The following EYS variants were observed in gnomAD, a reference collection of about 807,000 sequenced individuals.
The protein encoded by EYS is protein eyes shut homolog.
EYS carries 250 observed loss-of-function variants against 282.1 expected under a neutral mutation model. The ratio of observed to expected loss-of-function variants is 0.89; its 90% CI spans 0.80 to 0.98. The LOEUF (loss-of-function observed/expected upper bound fraction) is 0.98, where lower values mean the gene tolerates loss of function less well. Ranked by LOEUF, EYS falls within the 50% of genes least tolerant of loss-of-function variation. EYS has a pLI of 0.00. For missense variants in EYS, 4,016 were observed against 3,709.0 expected, an observed-to-expected ratio of 1.08 and a Z score of -2.15; for synonymous variants, 1,355 against 1,282.9, an observed-to-expected ratio of 1.06 and a Z score of -1.20.
intron 22 of EYS, among the ~76,000 whole-genome samples, chr6:64,690,070 T>C (rs1770316483): frequency 1.3e-5 from 2 of 151,850 alleles, no homozygotes; most frequent in South Asian, 4.2e-4. Context: ...ATTTTTGCAA[T>C]CTACTCATCT....
At chr6:63,964,637 TGAC>T in intron 35 of EYS, among the ~76,000 whole-genome samples, 1 of 152,338 alleles carries the variant, frequency 6.6e-6, no homozygotes. Flanking sequence ...AGCTGAAAAC[TGAC>T]TTTATAATTT....
intron 31 of EYS, among the ~76,000 whole-genome samples, chr6:64,200,634 G>A (rs1254235812): frequency 1.3e-5 from 2 of 151,456 alleles, no homozygotes; most frequent in Non-Finnish European, 3.0e-5. Context: ...AATTCCTGGA[G>A]GTATTTTGAT....
At chr6:65,066,937 AATT>A (rs1246536580) in intron 12 of EYS, among the ~76,000 whole-genome samples, 1 of 152,132 alleles carries the variant, frequency 6.6e-6, no homozygotes, top group East Asian at 1.9e-4. Flanking sequence ...TAGCATATAG[AATT>A]ATTATTCCTG....
intron 29 of EYS, among the ~76,000 whole-genome samples, chr6:64,334,735 G>A (rs1770779164): frequency 6.6e-6 from 1 of 152,100 alleles, no homozygotes; most frequent in Admixed American, 6.5e-5. Flanking sequence ...AAGAGTTTGT[G>A]GAAAGCTTAA....
At chr6:63,936,149 G>C (rs1330299772) in intron 35 of EYS, among the ~76,000 whole-genome samples, 1 of 152,156 alleles carries the variant, frequency 6.6e-6, no homozygotes, top group African/African-American at 2.4e-5. Context: ...TCTCCAGGAT[G>C]GGGGTCTCAC....
chr6:65,446,752 T>A (rs544750356), intron 5 of EYS, among the ~76,000 whole-genome samples: 2 of 152,010 alleles, frequency 1.3e-5, no homozygotes, highest in Non-Finnish European at 2.9e-5. Context: ...GCAGTGTTCA[T>A]GGGATCTAAA....
chr6:65,099,303 G>A (rs1043314685), intron 12 of EYS, among the ~76,000 whole-genome samples: 1 of 150,502 alleles, frequency 6.6e-6, no homozygotes, highest in Non-Finnish European at 1.5e-5. Flanking sequence ...GTGTTCTAGT[G>A]GCAATGGATA....
chr6:65,147,206 G>C (rs1167543627), intron 12 of EYS, among the ~76,000 whole-genome samples: 1 of 151,850 alleles, frequency 6.6e-6, no homozygotes, highest in Admixed American at 6.6e-5. Context: ...TTACTCTGTA[G>C]CCAAGCACAT....
chr6:65,343,143 T>G (rs1458101530), intron 10 of EYS, among the ~76,000 whole-genome samples: 1 of 151,254 alleles, frequency 6.6e-6, no homozygotes, highest in Admixed American at 6.6e-5. Flanking sequence ...AGATGTTCTG[T>G]GGTATTTGAA....
Position 64,314,194 on chromosome 6 carries a change from C to CAAAAAAAAAAAAAA in EYS, c.6079-7126_6079-7113dup, listed in dbSNP as rs138447983. Among the ~76,000 whole-genome samples the CAAAAAAAAAAAAAA allele has an allele frequency of 7.2e-4, 20 of 27,672 alleles. 1 individual carries two copies. Among genetic ancestry groups the CAAAAAAAAAAAAAA allele is most frequent in the Non-Finnish European group, 9.0e-4 (15 of 16,718 alleles). The allele number at this position is 27,672 out of a possible 152,430, so 18.2% of individuals were successfully genotyped here. A position where few individuals can be genotyped will look rare whatever the true frequency, so the allele number is the denominator to read the frequency against. ...GAAGATTTACTAAACAAATGGAAAGCAAAAAAAAAAAAAAAAAAAAAAAAG... is the reference window on the plus strand; with the variant it reads ...GAAGATTTACTAAACAAATGGAAAGCAAAAAAAAAAAAAAAAAAAAAAAAAAAAAAAAAAAAAAG... On this transcript the variant is annotated intron_variant, in intron 29 of 42. Transcript: ENST00000503581.
chr6:64,538,478 GTGTTTTTGC>G (rs1764597826), intron 26 of EYS, among the ~76,000 whole-genome samples: 2 of 152,144 alleles, frequency 1.3e-5, no homozygotes, highest in South Asian at 4.1e-4. Context: ...AAACCATATA[GTGTTTTTGC>G]TTTTCATAAT....
intron 5 of EYS, among the ~76,000 whole-genome samples, chr6:65,460,592 G>A (rs1764797650): frequency 6.6e-6 from 1 of 151,948 alleles, no homozygotes; most frequent in African/African-American, 2.4e-5. Flanking sequence ...GTTCTATTTA[G>A]CTCAGATTCA....
intron 28 of EYS, among the ~76,000 whole-genome samples, chr6:64,433,430 G>T (rs566920800): frequency 6.6e-6 from 1 of 152,000 alleles, no homozygotes; most frequent in East Asian, 1.9e-4. Context: ...ATATTTTAAA[G>T]ATACTGAAAA....
intron 26 of EYS, among the ~76,000 whole-genome samples, chr6:64,565,640 A>T (rs1213012803): frequency 1.3e-5 from 2 of 152,220 alleles, no homozygotes; most frequent in South Asian, 2.1e-4. Context: ...TGGTCAAATG[A>T]TATAAAGTTT....
At chr6:65,436,510 C>T (rs751076082) in intron 5 of EYS, among the ~76,000 whole-genome samples, 1 of 152,094 alleles carries the variant, frequency 6.6e-6, no homozygotes, top group East Asian at 1.9e-4. Flanking sequence ...TGCTTCCCAG[C>T]ATTTTTCATT....
intron 13 of EYS, among the ~76,000 whole-genome samples, chr6:65,018,024 T>A (rs891056497): frequency 6.6e-6 from 1 of 152,122 alleles, no homozygotes; most frequent in Non-Finnish European, 1.5e-5. Context: ...ACAGGTGAAT[T>A]TATGGTGGTC....
intron 31 of EYS, among the ~76,000 whole-genome samples, chr6:64,219,368 A>G (rs1766022368): frequency 6.6e-6 from 1 of 152,250 alleles, no homozygotes; most frequent in South Asian, 2.1e-4. Flanking sequence ...GAAATCTGAT[A>G]GAACATTTCA....
At chr6:65,076,646 A>G (rs999257925) in intron 12 of EYS, among the ~76,000 whole-genome samples, 1 of 151,696 alleles carries the variant, frequency 6.6e-6, no homozygotes, top group African/African-American at 2.4e-5. Context: ...TGCATTGATA[A>G]GCAATATATA....
chr6:64,530,411 G>A (rs1287411285), intron 26 of EYS, among the ~76,000 whole-genome samples: 1 of 151,768 alleles, frequency 6.6e-6, no homozygotes, highest in Non-Finnish European at 1.5e-5. Flanking sequence ...TATATCTGCA[G>A]GACATGTGTT....
Sources: allele counts gnomAD v4.1 joint callset (sites outside exome capture counted in the v4.1 genomes callset), GRCh38; gene constraint gnomAD v4.1.1; transcripts MANE v1.5; gene names NCBI Gene and HGNC (gene_info 2026-07-23, HGNC 2026-07-21).